PCDHA1: variants seen among roughly 807,000 people sequenced by gnomAD.
PCDHA1 encodes protocadherin alpha 1, also known as protocadherin alpha-1.
Under a neutral mutation model 61.3 loss-of-function variants are expected in PCDHA1, and 42 were observed. That is an observed-to-expected ratio of 0.69 (90% confidence interval 0.54 to 0.89). The LOEUF is 0.89. Among genes scored for constraint, PCDHA1 ranks in the 40% least tolerant of loss-of-function variants. The pLI, the probability that PCDHA1 is intolerant of heterozygous loss-of-function variation, is 0.00. For missense variants in PCDHA1, 1,256 were observed against 1,235.3 expected, an observed-to-expected ratio of 1.02 and a Z score of -0.25; for synonymous variants, 610 against 553.8, an observed-to-expected ratio of 1.10 and a Z score of -1.43.
intron 1 of PCDHA1, among the ~76,000 whole-genome samples, chr5:140,937,827 G>A (rs1328688983): frequency 2.6e-5 from 4 of 151,564 alleles, no homozygotes; most frequent in Non-Finnish European, 5.9e-5. Context: ...CAGGAGAATG[G>A]CATGAACCTG....
intron 1 of PCDHA1, chr5:140,870,671 A>C (rs782353440): frequency 1.2e-6 from 2 of 1,612,606 alleles, no homozygotes; most frequent in East Asian, 2.2e-5. Flanking sequence ...CAGCCGTTGG[A>C]CCACGAGGAG....
chr5:140,882,565 C>A (rs782122682), intron 1 of PCDHA1: 9 of 1,614,118 alleles, frequency 5.6e-6, no homozygotes, highest in African/African-American at 2.7e-5. Flanking sequence ...GTGGGCGGAG[C>A]GCGGAGTGCA....
chr5:140,876,029 A>C, intron 1 of PCDHA1: 1 of 1,613,700 alleles, frequency 6.2e-7, no homozygotes, highest in Non-Finnish European at 8.5e-7. Context: ...AAAACAAAAA[A>C]AGATAAAAGT....
chr5:140,930,412 G>T (rs1327423423), intron 1 of PCDHA1: 1 of 148,866 alleles, frequency 6.7e-6, no homozygotes, highest in Non-Finnish European at 1.5e-5. Context: ...TTTTGAGACA[G>T]GGGTCTCACT....
rs782671966 is a variant in PCDHA1 at position 140,857,602 on chromosome 5, G to T, written c.2394+68918G>T. ...ACGCGGAGAGCGGCAAGGTGTACGCGCTGCAGCCGCTGGACCACGAGGAGC... is the reference window on the plus strand; with the variant it reads ...ACGCGGAGAGCGGCAAGGTGTACGCTCTGCAGCCGCTGGACCACGAGGAGC... On this transcript the variant is annotated intron_variant, in intron 1 of 3. Coordinates refer to ENST00000504120, the MANE Select transcript of PCDHA1 (RefSeq NM_018900.4). 17 of 1,596,266 alleles carry T rather than the reference G, an allele frequency of 1.1e-5. 1 individual carries two copies. Among genetic ancestry groups the T allele is most frequent in the Non-Finnish European group, 1.5e-5 (17 of 1,167,710 alleles).
At chr5:140,829,036 A>G (rs1770084971) in intron 1 of PCDHA1, 4 of 1,612,958 alleles carry the variant, frequency 2.5e-6, no homozygotes, top group Non-Finnish European at 3.4e-6. Flanking sequence ...AAGAAAACTT[A>G]TACAAAATCC....
chr5:140,982,612 C>T, intron 3 of PCDHA1, 49 bp downstream of exon 3: 2 of 1,599,360 alleles, frequency 1.3e-6, no homozygotes, highest in Non-Finnish European at 1.7e-6. Context: ...GGAAAGTGAT[C>T]AGATGACCTA....
At chr5:140,958,586 T>A (rs561856247) in intron 1 of PCDHA1, among the ~76,000 whole-genome samples, 11 of 152,266 alleles carry the variant, frequency 7.2e-5, no homozygotes, top group African/African-American at 2.6e-4. Flanking sequence ...TAAATGAGCT[T>A]ATGATAATTG....
intron 1 of PCDHA1, chr5:140,796,097 ACT>A (rs782264596): frequency 6.2e-7 from 1 of 1,614,018 alleles, no homozygotes; most frequent in South Asian, 1.1e-5. Context: ...TCGGATCGCG[ACT>A]CTGGTACGAA....
At chr5:141,008,557 T>G (rs1394611167) in intron 3 of PCDHA1, among the ~76,000 whole-genome samples, 3 of 152,218 alleles carry the variant, frequency 2.0e-5, no homozygotes, top group African/African-American at 7.2e-5. Flanking sequence ...CTCCTGTGGA[T>G]GCATAATCAT....
chr5:140,796,721 G>A (rs782166727), intron 1 of PCDHA1: 4 of 1,614,070 alleles, frequency 2.5e-6, no homozygotes, highest in Non-Finnish European at 3.4e-6. Context: ...TGGTCGGTGG[G>A]TGCAGGGCAC....
chr5:140,967,218 C>T, intron 1 of PCDHA1: 3 of 1,613,744 alleles, frequency 1.9e-6, no homozygotes, highest in South Asian at 1.1e-5. Flanking sequence ...TTCCCGCGGC[C>T]CAACTACCAG....
At chr5:140,833,751 A>AACACAC (rs34569136) in intron 1 of PCDHA1, among the ~76,000 whole-genome samples, 39 of 151,358 alleles carry the variant, frequency 2.6e-4, no homozygotes, top group Middle Eastern at 3.4e-3. Context: ...CTAAAAAGAA[A>AACACAC]ACACACACAC....
intron 1 of PCDHA1, among the ~76,000 whole-genome samples, chr5:140,946,184 C>T (rs2093899107): frequency 6.6e-6 from 1 of 151,990 alleles, no homozygotes; most frequent in African/African-American, 2.4e-5. Context: ...TGTGAATAGA[C>T]ATTTCTCAAA....
At chr5:140,970,893 T>C (rs568576965) in intron 1 of PCDHA1, among the ~76,000 whole-genome samples, 3 of 152,200 alleles carry the variant, frequency 2.0e-5, no homozygotes, top group Non-Finnish European at 4.4e-5. Context: ...CATGGACATT[T>C]CAGATAGATT....
At chr5:140,969,963 AT>A (rs2096372822) in intron 1 of PCDHA1, among the ~76,000 whole-genome samples, 1 of 152,204 alleles carries the variant, frequency 6.6e-6, no homozygotes. Context: ...CTTTGGCTGT[AT>A]GATGTGGCAA....
chr5:140,924,050 A>T (rs1554201725), intron 1 of PCDHA1, among the ~76,000 whole-genome samples: 1 of 152,250 alleles, frequency 6.6e-6, no homozygotes, highest in African/African-American at 2.4e-5. Flanking sequence ...AAAGTTCGGT[A>T]CATCTTTACA....
chr5:140,832,500 G>T (rs1772022478), intron 1 of PCDHA1, among the ~76,000 whole-genome samples: 1 of 152,184 alleles, frequency 6.6e-6, no homozygotes, highest in Non-Finnish European at 1.5e-5. Flanking sequence ...AAGAGTGGCA[G>T]AATTGTCTCT....
At chr5:140,962,037 C>G (rs1449536712) in intron 1 of PCDHA1, among the ~76,000 whole-genome samples, 1 of 152,066 alleles carries the variant, frequency 6.6e-6, no homozygotes, top group African/African-American at 2.4e-5. Flanking sequence ...GCACCCACCA[C>G]CATGCCTGGC....
Sources: allele counts gnomAD v4.1 joint callset (sites outside exome capture counted in the v4.1 genomes callset), GRCh38; gene constraint gnomAD v4.1.1; transcripts MANE v1.5; gene names NCBI Gene and HGNC (gene_info 2026-07-23, HGNC 2026-07-21).